The following HEPH variants were observed in gnomAD, a reference collection of about 807,000 sequenced individuals.
HEPH encodes hephaestin.
HEPH carries 69 observed loss-of-function variants against 80.8 expected under a neutral mutation model. The ratio of observed to expected loss-of-function variants is 0.85; its 90% confidence interval spans 0.70 to 1.04. The LOEUF (loss-of-function observed/expected upper bound fraction) is 1.04. Ranked by LOEUF, HEPH falls within the 50% of genes least tolerant of loss-of-function variation. The probability of loss-of-function intolerance (pLI) is 0.00; values close to 1 mark genes in which losing one functional copy is unlikely to be tolerated. For missense variants in HEPH, 1,115 were observed against 891.3 expected (o/e 1.25, Z -3.20); for synonymous variants, 431 against 322.8 (o/e 1.34, Z -3.60).
At position 66,173,728 on chromosome X, in the gene HEPH, C is replaced by T. The variant is rs2086688034; in HGVS notation, c.552C>T (p.Ile184=). The T allele has an allele frequency of 8.3e-7, 1 of 1,208,806 alleles. No individual in the cohort carries two copies. Among genetic ancestry groups the T allele is most frequent in the South Asian group, 1.8e-5 (1 of 56,379 alleles). Residue 184 remains isoleucine, a synonymous_variant, in exon 4 of 21, where the codon ATC becomes ATT. Transcript: ENST00000343002. The part of the protein sequence containing the change: ...TDADPACLTW[I]YHSHVDAPRD... Reference sequence around the variant, plus strand: ...CTGACCCAGCGTGCCTCACCTGGATCTACCATTCTCATGTAGATGCTCCAC... The same window carrying T: ...CTGACCCAGCGTGCCTCACCTGGATTTACCATTCTCATGTAGATGCTCCAC...
intron 15 of HEPH, among the ~76,000 whole-genome samples, chrX:66,245,774 A>G (rs952992798): frequency 2.7e-5 from 3 of 112,111 alleles, no homozygotes; most frequent in Non-Finnish European, 5.6e-5. Context: ...AATTATAACA[A>G]ACTATCACTC....
At chrX:66,193,437 G>A in intron 7 of HEPH, 65 bp from the exon 8 acceptor site, 1 of 759,470 alleles carries the variant, frequency 1.3e-6, no homozygotes, top group African/African-American at 2.1e-5. Context: ...GTGAGACTAA[G>A]GGTGAGATGG....
intron 15 of HEPH, among the ~76,000 whole-genome samples, chrX:66,250,226 T>C (rs1457150321): frequency 9.0e-6 from 1 of 111,661 alleles, no homozygotes; most frequent in African/African-American, 3.3e-5. Context: ...ACTCAACATG[T>C]AGTATTTGTT....
rs2091543979 is a variant in HEPH at position 66,266,527 on chromosome X, T to C, written c.3332T>C (p.Val1111Ala). ...AAGAATGTTGAGATGCTGGCCTCTG[T>C]TTTGGTTGCCATTAGTGTCACCCTT... The part of the protein sequence containing the change: ...PIKNVEMLAS[V>A]LVAISVTLLL... The change falls in exon 21 of 21, where the codon GTT becomes GCT. Residue 1111 changes from valine (V) to alanine (A), a missense_variant. Physicochemically the swap from Val to Ala is moderately conservative, Grantham distance 64. Around this residue, in one of 3 missense-constraint regions of HEPH, gnomAD observed 716 missense variants for 523.5 expected, o/e 1.37. Transcript: ENST00000343002. 8.3e-7 allele frequency: 1 copy of C among 1,207,156 alleles called. No individual in the cohort carries two copies. The highest frequency in any genetic ancestry group is 1.1e-6 in the Non-Finnish European group (1 of 893,754).
At chrX:66,226,910 T>C (rs1451980193) in intron 15 of HEPH, among the ~76,000 whole-genome samples, 1 of 111,548 alleles carries the variant, frequency 9.0e-6, no homozygotes. Context: ...CAGAGAAAGA[T>C]GGAATCCTCC....
At chrX:66,237,141 AT>A (rs58556268) in intron 15 of HEPH, among the ~76,000 whole-genome samples, 10,367 of 99,914 alleles carry the variant, frequency 0.1, 1,235 homozygotes, top group African/African-American at 0.35. Flanking sequence ...TTCAGCTCTG[AT>A]TTTTTTTTTT....
At chrX:66,200,845 T>C (rs2088402685) in intron 12 of HEPH, 93 bp downstream of exon 12, 1 of 674,544 alleles carries the variant, frequency 1.5e-6, no homozygotes, top group Non-Finnish European at 2.3e-6. Flanking sequence ...GAGAAAATAA[T>C]AGGCATGTTA....
intron 6 of HEPH, among the ~76,000 whole-genome samples, chrX:66,190,345 G>A (rs1376158301): frequency 9.0e-6 from 1 of 111,352 alleles, no homozygotes; most frequent in African/African-American, 3.3e-5. Flanking sequence ...TGTATTGTGG[G>A]TACATAGTTA....
At chrX:66,237,514 T>C (rs2148057595) in intron 15 of HEPH, among the ~76,000 whole-genome samples, 1 of 112,355 alleles carries the variant, frequency 8.9e-6, no homozygotes, top group African/African-American at 3.2e-5. Context: ...TTTCAGTTTT[T>C]TTGCATTTGC....
Position 66,169,544 on chromosome X carries a change from A to G in HEPH, c.-13-1014A>G, listed in dbSNP as rs538798444. On this transcript the variant is annotated intron_variant, in intron 1 of 20. Transcript: ENST00000343002. ...ATCTTGGGTCTGATTCTGACTCAGG[A>G]TTAGACCTATGAAATGAATTTATGA... Among the ~76,000 whole-genome samples, 14 of 112,132 alleles carry G rather than the reference A, an allele frequency of 1.2e-4. No homozygotes were observed. In the South Asian group the frequency reaches 5.2e-3, roughly 41 times the overall value.
intron 15 of HEPH, among the ~76,000 whole-genome samples, chrX:66,228,989 G>C (rs770226405): frequency 5.0e-4 from 56 of 112,474 alleles, no homozygotes; most frequent in Non-Finnish European, 7.1e-4. Context: ...TAAAGAACTA[G>C]AAGTAGAACT....
chrX:66,179,288 G>A (rs1432035330), intron 4 of HEPH, among the ~76,000 whole-genome samples: 1 of 111,347 alleles, frequency 9.0e-6, no homozygotes. Flanking sequence ...GGGCTCTGTT[G>A]TTTTTCATTG....
chrX:66,198,991 G>A lies in HEPH; in HGVS notation c.1827G>A (p.Glu609=). 1.7e-6 allele frequency: 2 copies of A among 1,211,361 alleles called. No homozygotes were observed. Among genetic ancestry groups the A allele is most frequent in the Non-Finnish European group, 2.2e-6 (2 of 895,116 alleles). ...TGTTGGATTTCCGACTGCTTTCAGA[G>A]GATATTGAGGGCTTCCAAGACTCCA... ...AAMLDFRLLS[E]DIEGFQDSNR... is the part of the protein sequence containing the mutation. Residue 609 remains glutamate, a synonymous_variant, in exon 11 of 21, where the codon GAG becomes GAA. Transcript: ENST00000343002.
At chrX:66,231,377 A>G (rs2148011148) in intron 15 of HEPH, among the ~76,000 whole-genome samples, 1 of 101,179 alleles carries the variant, frequency 9.9e-6, no homozygotes, top group African/African-American at 3.6e-5. Context: ...CAGTATGGCC[A>G]TTTTCACGAT....
At chrX:66,172,730 C>T in intron 3 of HEPH, 131 bp downstream of exon 3, 3 of 696,735 alleles carry the variant, frequency 4.3e-6, no homozygotes, top group East Asian at 3.4e-5. Context: ...CAAAGACTCT[C>T]CTCAGAGTAA....
At chrX:66,266,298 C>T in intron 20 of HEPH, 142 bp from the exon 21 acceptor site, 1 of 462,659 alleles carries the variant, frequency 2.2e-6, no homozygotes, top group Non-Finnish European at 3.8e-6. Context: ...AATCTGTCTT[C>T]ATCAGCTAGT....
intron 4 of HEPH, among the ~76,000 whole-genome samples, chrX:66,184,289 G>A (rs2087305742): frequency 2.2e-5 from 1 of 45,758 alleles, no homozygotes; most frequent in Non-Finnish European, 3.2e-5. Context: ...TCTGTCTAAT[G>A]TTGACAGTGG....
Position 66,200,597 on chromosome X carries a change from C to T in HEPH, c.1922C>T (p.Thr641Ile). 8.3e-7 allele frequency: 1 copy of T among 1,209,834 alleles called. No individual in the cohort carries two copies. The highest frequency in any genetic ancestry group is 1.1e-6 in the Non-Finnish European group (1 of 894,451). ...LPRLDMCKGDTVAWHLLGLGT... is the reference protein window; with the variant it reads ...LPRLDMCKGDIVAWHLLGLGT... ...AGGCTGGACATGTGCAAGGGTGACA[C>T]AGTGGCCTGGCACCTGCTCGGCCTG... The change falls in exon 12 of 21, where the codon ACA becomes ATA. Residue 641 changes from threonine to isoleucine, a missense_variant. By Grantham distance (89) the Thr-to-Ile change is moderately conservative (BLOSUM62 -1). Transcript: ENST00000343002.
At chrX:66,181,076 A>C (rs1218318955) in intron 4 of HEPH, among the ~76,000 whole-genome samples, 1 of 44,607 alleles carries the variant, frequency 2.2e-5, no homozygotes, top group Non-Finnish European at 3.6e-5. Context: ...TATGTGCCAC[A>C]TTTTCTTAAT....
Sources: allele counts gnomAD v4.1 joint callset (sites outside exome capture counted in the v4.1 genomes callset), GRCh38; gene constraint gnomAD v4.1.1; regional missense constraint gnomAD v4.1.1; transcripts MANE v1.5; gene names NCBI Gene and HGNC (gene_info 2026-07-23, HGNC 2026-07-21).